The following MIPOL1 variants were observed in gnomAD, a reference collection of about 807,000 sequenced individuals.
MIPOL1 encodes mirror-image polydactyly 1, also known as mirror-image polydactyly gene 1 protein.
A neutral mutation model predicts 60.9 loss-of-function variants in MIPOL1; 57 were observed. The ratio of observed to expected loss-of-function variants is 0.94; its 90% CI spans 0.76 to 1.17. MIPOL1 has a LOEUF of 1.17. MIPOL1 is among the 50% of genes most tolerant of loss of function. The probability of loss-of-function intolerance (pLI) is 0.00; values close to 1 mark genes in which losing one functional copy is unlikely to be tolerated. For missense variants in MIPOL1, 551 were observed against 511.6 expected (o/e 1.08, Z -0.74); for synonymous variants, 179 against 168.8 (o/e 1.06, Z -0.47).
At chr14:37,229,753 A>G (rs1250005365) in intron 1 of MIPOL1, among the ~76,000 whole-genome samples, 1 of 152,176 alleles carries the variant, frequency 6.6e-6, no homozygotes, top group Non-Finnish European at 1.5e-5. Context: ...TCATGATTCA[A>G]AAATGGGGTT....
At chr14:37,507,688 G>A (rs1224713532) in intron 12 of MIPOL1, 2 of 152,076 alleles carry the variant, frequency 1.3e-5, no homozygotes, top group Middle Eastern at 3.2e-3. Flanking sequence ...AACCAATATG[G>A]CACATGTATA....
chr14:37,482,768 C>T (rs1431506112), intron 11 of MIPOL1, among the ~76,000 whole-genome samples: 2 of 152,062 alleles, frequency 1.3e-5, no homozygotes, highest in Non-Finnish European at 2.9e-5. Context: ...ACCATATCAG[C>T]TGTTTTCAAA....
At chr14:37,210,292 CT>C (rs111257763) in intron 1 of MIPOL1, among the ~76,000 whole-genome samples, 7,542 of 148,244 alleles carry the variant, frequency 0.051, 432 homozygotes, top group African/African-American at 0.14. Flanking sequence ...CATTGCCCCA[CT>C]TTTTTTTTTA....
At chr14:37,354,132 A>G (rs1595343767) in intron 9 of MIPOL1, among the ~76,000 whole-genome samples, 1 of 151,320 alleles carries the variant, frequency 6.6e-6, no homozygotes, top group African/African-American at 2.4e-5. Flanking sequence ...GTTTCAAAGA[A>G]CATCTTTATT....
intron 3 of MIPOL1, 134 bp downstream of exon 3, chr14:37,248,041 A>G (rs1260687124): frequency 9.7e-6 from 7 of 721,190 alleles, no homozygotes; most frequent in Non-Finnish European, 1.6e-5. Flanking sequence ...CAAAACATGC[A>G]CACAGAGACC....
At chr14:37,364,771 T>G (rs2092414025) in intron 9 of MIPOL1, among the ~76,000 whole-genome samples, 1 of 152,184 alleles carries the variant, frequency 6.6e-6, no homozygotes. Context: ...ATGTCATTGT[T>G]ATTTTGATAG....
At chr14:37,389,785 T>G (rs558481489) in intron 10 of MIPOL1, among the ~76,000 whole-genome samples, 1 of 151,732 alleles carries the variant, frequency 6.6e-6, no homozygotes, top group African/African-American at 2.4e-5. Flanking sequence ...TGGTTGATAC[T>G]GAGGGGAGGG....
chr14:37,261,109 C>T (rs182816423), intron 3 of MIPOL1, among the ~76,000 whole-genome samples: 2 of 151,878 alleles, frequency 1.3e-5, no homozygotes, highest in Admixed American at 6.6e-5. Flanking sequence ...TTTATTAAAC[C>T]ATTATGTATT....
At chr14:37,360,943 C>A (rs1434976460) in intron 9 of MIPOL1, among the ~76,000 whole-genome samples, 2 of 152,138 alleles carry the variant, frequency 1.3e-5, no homozygotes, top group African/African-American at 4.8e-5. Context: ...TCTGCTTTCT[C>A]TTGTGGGCAT....
At chr14:37,544,613 T>C (rs2095540944) in intron 12 of MIPOL1, among the ~76,000 whole-genome samples, 1 of 152,206 alleles carries the variant, frequency 6.6e-6, no homozygotes, top group African/African-American at 2.4e-5. Flanking sequence ...TACCTTCCTG[T>C]TGGCACAGCC....
chr14:37,351,437 C>T (rs1320949754), intron 9 of MIPOL1, among the ~76,000 whole-genome samples: 1 of 151,812 alleles, frequency 6.6e-6, no homozygotes, highest in Non-Finnish European at 1.5e-5. Flanking sequence ...AATGGGATGG[C>T]TGGCTCAAAT....
intron 12 of MIPOL1, among the ~76,000 whole-genome samples, chr14:37,510,441 T>G (rs1419587955): frequency 6.6e-6 from 1 of 152,136 alleles, no homozygotes; most frequent in Non-Finnish European, 1.5e-5. Flanking sequence ...TTTATCATGT[T>G]GCCAAGGCTG....
intron 11 of MIPOL1, among the ~76,000 whole-genome samples, chr14:37,468,246 A>T (rs563481357): frequency 6.6e-6 from 1 of 152,050 alleles, no homozygotes; most frequent in Admixed American, 6.6e-5. Context: ...TTCAGGAATT[A>T]TTTCACCACA....
chr14:37,397,246 A>G (rs1235458536), intron 10 of MIPOL1, among the ~76,000 whole-genome samples: 1 of 151,856 alleles, frequency 6.6e-6, no homozygotes, highest in Non-Finnish European at 1.5e-5. Flanking sequence ...TTATCTTTTT[A>G]CTGGGTCTTG....
chr14:37,457,230 G>C (rs1566638692), intron 11 of MIPOL1, among the ~76,000 whole-genome samples: 1 of 152,098 alleles, frequency 6.6e-6, no homozygotes, highest in African/African-American at 2.4e-5. Flanking sequence ...ACCTACAAGT[G>C]GGTGTTTCCT....
At chr14:37,295,910 A>G (rs534400689) in intron 7 of MIPOL1, among the ~76,000 whole-genome samples, 1 of 152,284 alleles carries the variant, frequency 6.6e-6, no homozygotes, top group South Asian at 2.1e-4. Flanking sequence ...CAGAAAGTTA[A>G]CAAGGATATC....
At chr14:37,402,540 A>G (rs1043006410) in intron 10 of MIPOL1, among the ~76,000 whole-genome samples, 48 of 152,314 alleles carry the variant, frequency 3.2e-4, no homozygotes, top group Admixed American at 3.1e-3. Flanking sequence ...TAATTAAGCC[A>G]TCCAGTGAAA....
chr14:37,460,467 T>G (rs1278328965), intron 11 of MIPOL1, among the ~76,000 whole-genome samples: 1 of 151,936 alleles, frequency 6.6e-6, no homozygotes, highest in Non-Finnish European at 1.5e-5. Context: ...GACACCCACT[T>G]TCACCCCTCC....
intron 11 of MIPOL1, among the ~76,000 whole-genome samples, chr14:37,429,921 C>G (rs1413859881): frequency 6.6e-6 from 1 of 152,106 alleles, no homozygotes; most frequent in Non-Finnish European, 1.5e-5. Context: ...AGAAAAGTCA[C>G]TGGTGATTAT....
Sources: allele counts gnomAD v4.1 joint callset (sites outside exome capture counted in the v4.1 genomes callset), GRCh38; gene constraint gnomAD v4.1.1; transcripts MANE v1.5; gene names NCBI Gene and HGNC (gene_info 2026-07-23, HGNC 2026-07-21).